KMT2A: variants seen among roughly 807,000 people sequenced by gnomAD.
KMT2A encodes the protein histone-lysine N-methyltransferase 2A.
Under a neutral mutation model 345.3 loss-of-function variants are expected in KMT2A, and 16 were observed. That is an observed-to-expected ratio of 0.05 (90% confidence interval 0.03 to 0.07). KMT2A has a LOEUF of 0.07. KMT2A is among the 10% of genes least tolerant of loss of function. KMT2A has a pLI of 1.00. For synonymous variants in KMT2A, 1,599 were observed against 1,778.6 expected (o/e 0.90, Z 2.54); for missense variants, 3,272 against 4,841.6 (o/e 0.68, Z 9.62).
rs2134404255 is a variant in KMT2A at position 118,505,184 on chromosome 11, C to G, written c.9292C>G (p.Pro3098Ala). 1 of 1,614,172 alleles carries G rather than the reference C, an allele frequency of 6.2e-7. No individual in the cohort carries two copies. Among genetic ancestry groups the G allele is most frequent in the African/African-American group, 1.3e-5 (1 of 75,052 alleles). ...MQPLYVLQTLPNGVTQKIQLT... is the reference protein window; with the variant it reads ...MQPLYVLQTLANGVTQKIQLT... ...GCCACTTTATGTTCTCCAAACTCTTCCAAATGGAGTGACCCAAAAAATCCA... is the reference window on the plus strand; with the variant it reads ...GCCACTTTATGTTCTCCAAACTCTTGCAAATGGAGTGACCCAAAAAATCCA... Residue 3098 changes from proline to alanine, a missense_variant, in exon 27 of 36, where the codon CCA becomes GCA. Pro to Ala is a conservative substitution (Grantham distance 27). Around this residue, in one of 27 missense-constraint regions of KMT2A, gnomAD observed 748 missense variants for 922.2 expected, o/e 0.81. Transcript: ENST00000534358. The surrounding 1 kb of genome is among the most constrained non-coding windows in gnomAD (Gnocchi z 4.6).
chr11:118,508,061 A>G (rs1333316905), intron 28 of KMT2A, among the ~76,000 whole-genome samples: 1 of 152,246 alleles, frequency 6.6e-6, no homozygotes, highest in Non-Finnish European at 1.5e-5. Flanking sequence ...GTAAACAAGT[A>G]AACAAAAAAT....
chr11:118,507,809 A>C, intron 28 of KMT2A, 200 bp downstream of exon 28: 3 of 487,404 alleles, frequency 6.2e-6, no homozygotes, highest in East Asian at 3.6e-5. Flanking sequence ...AAAATACAAA[A>C]AGAATTAGCC....
At chr11:118,509,845 A>G (rs1251461066) in intron 29 of KMT2A, 103 bp from the exon 30 acceptor site, 2 of 796,476 alleles carry the variant, frequency 2.5e-6, no homozygotes, top group African/African-American at 3.6e-5. Context: ...CCAACTGTGG[A>G]ATGTTGTTAG....
chr11:118,475,135 A>G (rs1393421714), intron 3 of KMT2A, among the ~76,000 whole-genome samples: 1 of 151,340 alleles, frequency 6.6e-6, no homozygotes, highest in Non-Finnish European at 1.5e-5. Flanking sequence ...CTCTATCTCA[A>G]AATAAATAAA....
chr11:118,474,102 A>T lies in KMT2A; in HGVS notation c.2943A>T (p.Pro981=). The change falls in exon 3 of 36, where the codon CCA becomes CCT. Residue 981 remains proline, a synonymous_variant. Coordinates refer to ENST00000534358, the MANE Select transcript of KMT2A (RefSeq NM_001197104.2). ...ACTTGGACCTCGGCCCAACTGCCCCATCCCTGGAGAAGGAGAAAACCCTCT... is the reference window on the plus strand; with the variant it reads ...ACTTGGACCTCGGCCCAACTGCCCCTTCCCTGGAGAAGGAGAAAACCCTCT... ...KTNLDLGPTA[P]SLEKEKTLCL... 6.2e-7 allele frequency: 1 copy of T among 1,614,170 alleles called. No homozygotes were observed. The highest frequency in any genetic ancestry group is 8.5e-7 in the Non-Finnish European group (1 of 1,180,008).
rs1950561890 is a variant in KMT2A, at chr11:118,505,294, T to C, written c.9402T>C (p.Leu3134=). 1 of 1,614,118 alleles carries C rather than the reference T, an allele frequency of 6.2e-7. No homozygotes were observed. Among genetic ancestry groups the C allele is most frequent in the Admixed American group, 1.7e-5 (1 of 60,008 alleles). Residue 3134 remains leucine, a synonymous_variant, in exon 27 of 36, where the codon CTT becomes CTC. Transcript: ENST00000534358. This position sits in a 1 kb window ranked among gnomAD's most constrained non-coding sequence, Gnocchi z 4.6. ...GACCCATGGGAGGTGGTCTCACCCT[T>C]ACCACAGGACTAAATCCAAGCTTGC... ...VLGPMGGGLT[L]TTGLNPSLPT...
intron 10 of KMT2A, 101 bp downstream of exon 10, chr11:118,485,076 T>TC (rs1174276846): frequency 1.6e-5 from 12 of 755,596 alleles, no homozygotes; most frequent in Non-Finnish European, 2.5e-5. Context: ...CAGGTACTAT[T>TC]CCCTGTTTAA....
chr11:118,517,863 A>C (rs1166236908), intron 31 of KMT2A, among the ~76,000 whole-genome samples: 1 of 152,138 alleles, frequency 6.6e-6, no homozygotes, highest in African/African-American at 2.4e-5. Context: ...TTGCTTATCT[A>C]GAGACAACAT....
rs376303494 is a variant in KMT2A at position 118,481,879 on chromosome 11, G to A, written c.3799G>A (p.Val1267Ile). Reference sequence around the variant, plus strand: ...TAGTGAGCCTCCTCCACGAAAGCCCGTCGAGGAAAAGAGTGAAGAAGGGAA... The same window carrying A: ...TAGTGAGCCTCCTCCACGAAAGCCCATCGAGGAAAAGAGTGAAGAAGGGAA... ...SSSEPPPRKP[V>I]EEKSEEGNVS... is the part of the protein sequence containing the mutation. Residue 1267 changes from valine to isoleucine, a missense_variant, in exon 7 of 36, where the codon GTC becomes ATC. Physicochemically the swap from Val to Ile is conservative, Grantham distance 29. Around this residue, in one of 27 missense-constraint regions of KMT2A, gnomAD observed 168 missense variants for 216.0 expected, o/e 0.78. Coordinates refer to ENST00000534358, the MANE Select transcript of KMT2A (RefSeq NM_001197104.2). 1.9e-5 allele frequency: 31 copies of A among 1,614,056 alleles called. 1 individual carries two copies. The Admixed American group carries it at 2.0e-4, about 10-fold the overall frequency.
chr11:118,526,703 G>A lies in KMT2A; in HGVS notation c.*4531G>A. The A allele has an allele frequency of 8.6e-6, 2 of 231,458 alleles. No individual in the cohort carries two copies. 14.3% of individuals were successfully genotyped at this position (231,458 alleles called of 1,614,324 possible). A position where few individuals can be genotyped will look rare whatever the true frequency, so the allele number is the denominator to read the frequency against. On this transcript the variant is annotated 3_prime_UTR_variant, in exon 36 of 36. Transcript: ENST00000534358. Reference sequence around the variant, plus strand: ...ATAATGCTGAAAGCTCTCTACGAAAGACTGAATGTAAAAGTAAAAAGTGTA... The same window carrying A: ...ATAATGCTGAAAGCTCTCTACGAAAAACTGAATGTAAAAGTAAAAAGTGTA...
Position 118,484,782 on chromosome 11 carries a change from T to G in KMT2A, c.4219-80T>G, listed in dbSNP as rs564681854. Reference sequence around the variant, plus strand: ...CTCTGACATTGTGATGTCACACTAATTTTATGCTTTTCATCCTTATTTTCC... The same window carrying G: ...CTCTGACATTGTGATGTCACACTAAGTTTATGCTTTTCATCCTTATTTTCC... On this transcript the variant is annotated intron_variant, in intron 9 of 35. Coordinates refer to ENST00000534358, the MANE Select transcript of KMT2A (RefSeq NM_001197104.2). The surrounding 1 kb of genome is among the most constrained non-coding windows in gnomAD (Gnocchi z 4.1). 18 of 919,590 alleles carry G rather than the reference T, an allele frequency of 2.0e-5. No homozygotes were observed. In the South Asian group the frequency reaches 2.5e-4, roughly 13 times the overall value. The allele number at this position is 919,590 out of a possible 1,614,324, so 57.0% of individuals were successfully genotyped here.
Position 118,519,944 on chromosome 11 carries a change from C to A in KMT2A, c.11322-13C>A. The A allele has an allele frequency of 1.2e-6, 2 of 1,606,090 alleles. No individual in the cohort carries two copies. The highest frequency in any genetic ancestry group is 1.7e-6 in the Non-Finnish European group (2 of 1,173,442). ...AGCATTTCTCTAAATATGTTTTAAT[C>A]TTTTGGCCCCAGGAAGTCAGCATTT... is the stretch of plus-strand genomic sequence containing the variant. On this transcript the variant is annotated splice_polypyrimidine_tract_variant and intron_variant, in intron 32 of 35. Coordinates refer to ENST00000534358, the MANE Select transcript of KMT2A (RefSeq NM_001197104.2).
chr11:118,488,002 A>C (rs903499004), intron 10 of KMT2A, among the ~76,000 whole-genome samples: 1 of 152,204 alleles, frequency 6.6e-6, no homozygotes, highest in Non-Finnish European at 1.5e-5. Context: ...AACACAGTGA[A>C]ACCCCATCTC....
rs146028064 is a variant in KMT2A at position 118,474,102 on chromosome 11, A to G, written c.2943A>G (p.Pro981=). 5.9e-5 allele frequency: 95 copies of G among 1,614,170 alleles called. No individual in the cohort carries two copies. The African/African-American group carries it at 1.2e-3, about 20-fold the overall frequency. The change falls in exon 3 of 36, where the codon CCA becomes CCG. Residue 981 remains proline, a synonymous_variant. Coordinates refer to ENST00000534358, the MANE Select transcript of KMT2A (RefSeq NM_001197104.2). The part of the protein sequence containing the change: ...KTNLDLGPTA[P]SLEKEKTLCL... ...ACTTGGACCTCGGCCCAACTGCCCC[A>G]TCCCTGGAGAAGGAGAAAACCCTCT...
Position 118,473,751 on chromosome 11 carries a change from T to C in KMT2A, c.2592T>C (p.Ala864=). 6.2e-7 allele frequency: 1 copy of C among 1,613,580 alleles called. No homozygotes were observed. Among genetic ancestry groups the C allele is most frequent in the Non-Finnish European group, 8.5e-7 (1 of 1,179,866 alleles). The change falls in exon 3 of 36, where the codon GCT becomes GCC. Residue 864 remains alanine, a synonymous_variant. Coordinates refer to ENST00000534358, the MANE Select transcript of KMT2A (RefSeq NM_001197104.2). The surrounding 1 kb of genome is among the most constrained non-coding windows in gnomAD (Gnocchi z 5.2). The part of the protein sequence containing the change: ...APEELSKDRD[A]DKSVEKDKSR... ...AGGAGCTGTCCAAAGATCGAGATGC[T>C]GACAAGAGCGTGGAGAAGGACAAGA...
chr11:118,477,154 CG>C (rs1950051660), intron 4 of KMT2A, among the ~76,000 whole-genome samples, 172 bp downstream of exon 4: 2 of 152,194 alleles, frequency 1.3e-5, no homozygotes, highest in South Asian at 4.1e-4. Flanking sequence ...AGAAGGAAAA[CG>C]GGGAGGTAGC....
At chr11:118,474,839 T>C (rs971318367) in intron 3 of KMT2A, among the ~76,000 whole-genome samples, 18 of 152,100 alleles carry the variant, frequency 1.2e-4, no homozygotes, top group Non-Finnish European at 1.8e-4. Context: ...AAATGAGAAG[T>C]ACTGGCCAGG....
At position 118,520,419 on chromosome 11, in the gene KMT2A, G is replaced by T. The variant is rs1414650198; in HGVS notation, c.11429+355G>T. 1.2e-5 allele frequency: 4 copies of T among 330,012 alleles called. No homozygotes were observed. In the Admixed American group the frequency reaches 1.4e-4, roughly 11 times the overall value. The allele number at this position is 330,012 out of a possible 1,614,324, so 20.4% of individuals were successfully genotyped here. On this transcript the variant is annotated intron_variant, in intron 33 of 35. Coordinates refer to ENST00000534358, the MANE Select transcript of KMT2A (RefSeq NM_001197104.2). The surrounding 1 kb of genome is among the most constrained non-coding windows in gnomAD (Gnocchi z 4.3). ...TGTAATTCCAGCACTTTGGAAGTCCGAGGCGGACAGATCATGAGGTCAGGA... is the reference window on the plus strand; with the variant it reads ...TGTAATTCCAGCACTTTGGAAGTCCTAGGCGGACAGATCATGAGGTCAGGA...
intron 1 of KMT2A, among the ~76,000 whole-genome samples, chr11:118,442,077 CTCT>C (rs1949326239): frequency 6.6e-6 from 1 of 152,188 alleles, no homozygotes; most frequent in South Asian, 2.1e-4. Context: ...TAATTAAGAT[CTCT>C]TTGTGCCTGC....
Sources: allele counts gnomAD v4.1 joint callset (sites outside exome capture counted in the v4.1 genomes callset), GRCh38; gene constraint gnomAD v4.1.1; regional missense constraint gnomAD v4.1.1; non-coding constraint Gnocchi (gnomAD v3.1); transcripts MANE v1.5; gene names NCBI Gene and HGNC (gene_info 2026-07-23, HGNC 2026-07-21).